DISP1: variants seen among roughly 807,000 people sequenced by gnomAD.
DISP1 encodes the protein dispatched RND transporter family member 1.
A neutral mutation model predicts 37.3 loss-of-function variants in DISP1; 30 were observed. That is an observed-to-expected ratio of 0.80 (90% confidence interval 0.60 to 1.09). The LOEUF (loss-of-function observed/expected upper bound fraction) is 1.09. Ranked by LOEUF, DISP1 falls within the 50% of genes least tolerant of loss-of-function variation. The pLI is 0.00. For missense variants in DISP1, 1,598 were observed against 1,879.5 expected (o/e 0.85, Z 2.77); for synonymous variants, 634 against 690.2 (o/e 0.92, Z 1.28).
intron 1 of DISP1, among the ~76,000 whole-genome samples, chr1:222,822,809 C>T (rs1324284180): frequency 6.6e-6 from 1 of 152,228 alleles, no homozygotes; most frequent in Non-Finnish European, 1.5e-5. Flanking sequence ...TGCTGCACAC[C>T]TTCTTAAAAT....
chr1:222,884,215 T>A (rs1242241808), intron 1 of DISP1, among the ~76,000 whole-genome samples: 1 of 152,170 alleles, frequency 6.6e-6, no homozygotes, highest in Non-Finnish European at 1.5e-5. Flanking sequence ...ATTTTAAACT[T>A]TCAGAAAACT....
At chr1:222,950,334 G>A (rs1343405088) in intron 3 of DISP1, among the ~76,000 whole-genome samples, 1 of 152,192 alleles carries the variant, frequency 6.6e-6, no homozygotes, top group Non-Finnish European at 1.5e-5. Context: ...AGGCGCAGTG[G>A]CTCACGCTGT....
chr1:222,836,762 T>TATATACAC (rs1014185520), intron 1 of DISP1, among the ~76,000 whole-genome samples: 1 of 147,472 alleles, frequency 6.8e-6, no homozygotes, highest in Non-Finnish European at 1.5e-5. Flanking sequence ...TATATATATA[T>TATATACAC]ACACACACAC....
At chr1:222,971,376 A>G (rs900855511) in intron 3 of DISP1, among the ~76,000 whole-genome samples, 3 of 146,504 alleles carry the variant, frequency 2.0e-5, no homozygotes, top group Non-Finnish European at 4.5e-5. Flanking sequence ...GATACAGTGG[A>G]TTTTTTATTA....
chr1:222,984,233 T>C (rs1303967168), intron 4 of DISP1, among the ~76,000 whole-genome samples: 2 of 151,630 alleles, frequency 1.3e-5, no homozygotes. Flanking sequence ...TGGGGACACC[T>C]GTGTCTACAA....
intron 1 of DISP1, among the ~76,000 whole-genome samples, chr1:222,916,359 T>C (rs1048771893): frequency 2.0e-5 from 3 of 152,228 alleles, no homozygotes; most frequent in African/African-American, 4.8e-5. Flanking sequence ...AGGTTCATTC[T>C]GGCTAACAGC....
At chr1:222,967,135 A>C (rs1039716455) in intron 3 of DISP1, among the ~76,000 whole-genome samples, 18 of 152,022 alleles carry the variant, frequency 1.2e-4, no homozygotes, top group African/African-American at 4.1e-4. Context: ...ATATATATAT[A>C]TCTACATTAT....
At chr1:222,867,165 A>C (rs940432179) in intron 1 of DISP1, among the ~76,000 whole-genome samples, 9 of 152,224 alleles carry the variant, frequency 5.9e-5, no homozygotes, top group Non-Finnish European at 1.2e-4. Context: ...AGATGAAGAA[A>C]CTTAATCTAG....
At position 222,936,918 on chromosome 1, in the gene DISP1, AT is replaced by A. The variant is rs1572555415; in HGVS notation, c.-17-5887del. On this transcript the variant is annotated intron_variant, in intron 2 of 8. Transcript: ENST00000675850. ...ATTATTTATATATAATATATTATAT[AT>A]TATATAATATGTAATATATATTATA... 1.1e-4 allele frequency among the ~76,000 whole-genome samples: 10 copies of A among 89,854 alleles called. No individual in the cohort carries two copies. The East Asian group carries it at 1.4e-3, about 13-fold the overall frequency. 58.9% of individuals were successfully genotyped at this position (89,854 alleles called of 152,430 possible).
intron 3 of DISP1, among the ~76,000 whole-genome samples, chr1:222,963,354 G>T (rs1676205597): frequency 6.6e-6 from 1 of 152,212 alleles, no homozygotes; most frequent in African/African-American, 2.4e-5. Flanking sequence ...CATTGTGGAA[G>T]ACGGTATGGC....
intron 3 of DISP1, among the ~76,000 whole-genome samples, chr1:222,959,623 C>T (rs1675874792): frequency 1.3e-5 from 2 of 149,056 alleles, no homozygotes; most frequent in African/African-American, 2.5e-5. Context: ...TTACTTGAAC[C>T]TGGGAGAGGT....
chr1:222,969,319 A>C (rs1385649253), intron 3 of DISP1, among the ~76,000 whole-genome samples: 2 of 131,786 alleles, frequency 1.5e-5, no homozygotes, highest in Non-Finnish European at 3.1e-5. Flanking sequence ...GCAGTGATCC[A>C]AGATCATGCC....
chr1:222,927,812 T>G (rs979501705), intron 1 of DISP1, among the ~76,000 whole-genome samples: 20 of 152,252 alleles, frequency 1.3e-4, no homozygotes, highest in Non-Finnish European at 2.4e-4. Context: ...GAGGGCCATA[T>G]GTTTATAAAA....
chr1:222,842,693 G>A (rs1254990783), intron 1 of DISP1, among the ~76,000 whole-genome samples: 1 of 151,996 alleles, frequency 6.6e-6, no homozygotes, highest in Non-Finnish European at 1.5e-5. Flanking sequence ...CACAGGCTTT[G>A]GAGAGTCACA....
At chr1:222,926,916 G>A (rs887684304) in intron 1 of DISP1, among the ~76,000 whole-genome samples, 1 of 152,100 alleles carries the variant, frequency 6.6e-6, no homozygotes, top group Admixed American at 6.6e-5. Flanking sequence ...GTTTTTCACC[G>A]CTCTGCCAAT....
chr1:222,864,598 CTTTTG>C lies in DISP1; in HGVS notation c.-159+49525_-159+49529del, dbSNP rs1210787839. 4.0e-5 allele frequency among the ~76,000 whole-genome samples: 6 copies of C among 151,768 alleles called. No individual in the cohort carries two copies. The East Asian group carries it at 7.7e-4, about 20-fold the overall frequency. On this transcript the variant is annotated intron_variant, in intron 1 of 8. Transcript: ENST00000675850. ...TAAAATTGATCTATTAAAAATAATTCTTTTGTTTTTGTTTTAAAAAAACTTTGATA... is the reference window on the plus strand; with the variant it reads ...TAAAATTGATCTATTAAAAATAATTCTTTTTGTTTTAAAAAAACTTTGATA...
chr1:222,998,341 G>A (rs1679215367), intron 8 of DISP1, among the ~76,000 whole-genome samples: 1 of 151,290 alleles, frequency 6.6e-6, no homozygotes, highest in African/African-American at 2.4e-5. Context: ...GACCTTAATT[G>A]TTGGTGGGTT....
At chr1:222,970,648 T>G (rs1257642499) in intron 3 of DISP1, among the ~76,000 whole-genome samples, 1 of 152,186 alleles carries the variant, frequency 6.6e-6, no homozygotes, top group Non-Finnish European at 1.5e-5. Context: ...AGAAATAATT[T>G]AATCTAACTC....
Position 222,833,291 on chromosome 1 carries a change from G to T in DISP1, c.-159+18213G>T, listed in dbSNP as rs184538458. ...TATAACCTCACAGGAGTTCATATTA[G>T]TGTAGCAAAAGTGTGGGTATTATTA... On this transcript the variant is annotated intron_variant, in intron 1 of 8. Coordinates refer to ENST00000675850, the MANE Select transcript of DISP1 (RefSeq NM_001377229.1). Among the ~76,000 whole-genome samples, 137 of 152,302 alleles carry T rather than the reference G, an allele frequency of 9.0e-4. 5 individuals carry two copies. The East Asian group carries it at 0.025, about 27-fold the overall frequency.
Sources: gnomAD v4.1 joint callset for allele counts (sites outside exome capture counted in the v4.1 genomes callset) on GRCh38, gnomAD v4.1.1 for gene constraint, MANE v1.5 for transcripts, NCBI Gene and HGNC (gene_info 2026-07-23, HGNC 2026-07-21) for gene names.